Variants in TCL1A observed in about 807,000 individuals in gnomAD.
TCL1A encodes TCL1 family AKT coactivator A, also known as T-cell leukemia/lymphoma protein 1A.
Under a neutral mutation model 16.9 loss-of-function variants are expected in TCL1A, and 9 were observed. That is an observed-to-expected ratio of 0.53 (90% confidence interval 0.32 to 0.93). The LOEUF is 0.93. TCL1A is among the 40% of genes least tolerant of loss of function. The pLI is 0.04. For missense variants in TCL1A, 139 were observed against 153.0 expected (o/e 0.91, Z 0.48); for synonymous variants, 69 against 63.2 (o/e 1.09, Z -0.44).
At chr14:95,711,294 C>CT (rs1178025062) in intron 3 of TCL1A, among the ~76,000 whole-genome samples, 2 of 105,386 alleles carry the variant, frequency 1.9e-5, no homozygotes, top group African/African-American at 4.1e-5. Context: ...CCCGTCTCTA[C>CT]TAAAAAAAAA....
intron 1 of TCL1A, among the ~76,000 whole-genome samples, chr14:95,713,385 T>A (rs549089464): frequency 6.6e-6 from 1 of 152,344 alleles, no homozygotes; most frequent in East Asian, 1.9e-4. Context: ...TAACATGGAT[T>A]AAGGACCCAT....
chr14:95,713,856 G>A (rs566496926), intron 1 of TCL1A, 91 bp downstream of exon 1: 6 of 1,562,350 alleles, frequency 3.8e-6, no homozygotes, highest in East Asian at 2.2e-5. Flanking sequence ...CCCATAGTGA[G>A]TGCTCCTTGA....
intron 1 of TCL1A, among the ~76,000 whole-genome samples, chr14:95,713,636 T>C (rs542927682): frequency 2.6e-5 from 4 of 152,142 alleles, no homozygotes; most frequent in East Asian, 1.9e-4. Flanking sequence ...ATGAGTCACT[T>C]AGAGATACCC....
chr14:95,713,051 G>A (rs2139721862), intron 1 of TCL1A, among the ~76,000 whole-genome samples: 1 of 152,226 alleles, frequency 6.6e-6, no homozygotes, highest in African/African-American at 2.4e-5. Context: ...GATTTTTAAA[G>A]TAAAAACATA....
chr14:95,713,873 G>T, intron 1 of TCL1A, 74 bp downstream of exon 1: 1 of 1,588,192 alleles, frequency 6.3e-7, no homozygotes, highest in Non-Finnish European at 8.5e-7. Flanking sequence ...TTGAGTCCTC[G>T]CCCTTCCTAG....
intron 3 of TCL1A, among the ~76,000 whole-genome samples, chr14:95,711,295 TAAAAAAA>T (rs1163643091): frequency 1.6e-4 from 13 of 79,740 alleles, no homozygotes; most frequent in Non-Finnish European, 2.8e-4. Flanking sequence ...CCGTCTCTAC[TAAAAAAA>T]AAAAAAAAAA....
In TCL1A at chr14:95,710,219, G is replaced by C. The variant is rs752679724; in HGVS notation, c.*669C>G. ...AGGGTTCTGAGGGCTCATCCACAGG[G>C]CTCGCCGGCCTGGCCTCCTGCTGCG... On this transcript the variant is annotated 3_prime_UTR_variant, in exon 4 of 4. Transcript: ENST00000402399. The C allele has an allele frequency of 6.6e-6, 1 of 152,524 alleles. No individual in the cohort carries two copies. Among genetic ancestry groups the C allele is most frequent in the Non-Finnish European group, 1.5e-5 (1 of 68,324 alleles). 9.4% of individuals were successfully genotyped at this position (152,524 alleles called of 1,614,324 possible).
Position 95,714,070 on chromosome 14 carries a change from G to C in TCL1A, c.-4C>G. ...CGAGTGTCGGGCACTCGGCCATGGC[G>C]TCCTCGGGCCGCCTAAGAAGCAAGA... On this transcript the variant is annotated 5_prime_UTR_variant, in exon 1 of 4. Coordinates refer to ENST00000402399, the MANE Select transcript of TCL1A (RefSeq NM_021966.3). The C allele has an allele frequency of 6.2e-7, 1 of 1,613,444 alleles. No individual in the cohort carries two copies. The highest frequency in any genetic ancestry group is 2.2e-5 in the East Asian group (1 of 44,872).
At chr14:95,712,080 T>C in intron 2 of TCL1A, 140 bp downstream of exon 2, 2 of 1,137,758 alleles carry the variant, frequency 1.8e-6, no homozygotes, top group African/African-American at 1.5e-5. Context: ...TAAAGTCCTT[T>C]AGAAATCTGC....
chr14:95,712,472 T>C (rs1886384787), intron 1 of TCL1A, 76 bp from the exon 2 acceptor site: 2 of 1,533,494 alleles, frequency 1.3e-6, no homozygotes, highest in Non-Finnish European at 1.7e-6. Flanking sequence ...AAAACCGGAA[T>C]CCCTCCTGCC....
chr14:95,711,305 A>AG (rs1342085913), intron 3 of TCL1A: 1 of 153,314 alleles, frequency 6.5e-6, no homozygotes, highest in Non-Finnish European at 1.4e-5. Flanking sequence ...TAAAAAAAAA[A>AG]AAAAAAAAAA....
intron 3 of TCL1A, among the ~76,000 whole-genome samples, chr14:95,711,233 G>A (rs1159748373): frequency 6.6e-6 from 1 of 151,206 alleles, no homozygotes; most frequent in Non-Finnish European, 1.5e-5. Context: ...GCCGAGGCGG[G>A]CAGATCATGA....
chr14:95,713,327 T>G (rs1595067234), intron 1 of TCL1A, among the ~76,000 whole-genome samples: 1 of 152,340 alleles, frequency 6.6e-6, no homozygotes, highest in Non-Finnish European at 1.5e-5. Flanking sequence ...TTTCATTGAG[T>G]AAATCCAAAT....
intron 2 of TCL1A, 79 bp from the exon 3 acceptor site, chr14:95,711,881 C>T (rs1886365776): frequency 1.3e-6 from 2 of 1,559,064 alleles, no homozygotes; most frequent in South Asian, 1.2e-5. Flanking sequence ...TGCGCCTTCC[C>T]CTAGCTGGAA....
chr14:95,714,010 C>G lies in TCL1A; in HGVS notation c.57G>C (p.Trp19Cys). ...CCAAATACACGAACTTCTCCCAGGCCCACAGGCGGTCCGGGTGGTCGGTGA... is the reference window on the plus strand; with the variant it reads ...CCAAATACACGAACTTCTCCCAGGCGCACAGGCGGTCCGGGTGGTCGGTGA... Reference protein sequence around the residue: ...EAVTDHPDRLWAWEKFVYLDE... With the variant: ...EAVTDHPDRLCAWEKFVYLDE... Residue 19 changes from tryptophan to cysteine, a missense_variant, in exon 1 of 4, where the codon TGG (tryptophan) becomes TGC (cysteine). Physicochemically the swap from Trp to Cys is radical, Grantham distance 215. Transcript: ENST00000402399. 1 of 1,614,152 alleles carries G rather than the reference C, an allele frequency of 6.2e-7. No individual in the cohort carries two copies. Among genetic ancestry groups the G allele is most frequent in the East Asian group, 2.2e-5 (1 of 44,874 alleles).
rs78796306 is a variant in TCL1A at position 95,711,996 on chromosome 14, C to T, written c.298-194G>A. The T allele has an allele frequency of 3.4e-3, 2,993 of 868,002 alleles. 55 individuals are homozygous for T. In the African/African-American group the frequency reaches 0.046, roughly 13 times the overall value. 53.8% of individuals were successfully genotyped at this position (868,002 alleles called of 1,614,324 possible). On this transcript the variant is annotated intron_variant, in intron 2 of 3. Coordinates refer to ENST00000402399, the MANE Select transcript of TCL1A (RefSeq NM_021966.3). Reference sequence around the variant, plus strand: ...ACTGCCCACCAGAGATGTCTTCCTGCGGCTAGCTGGTGGCTGGGAGGAAGT... The same window carrying T: ...ACTGCCCACCAGAGATGTCTTCCTGTGGCTAGCTGGTGGCTGGGAGGAAGT...
chr14:95,713,721 C>G (rs192014637), intron 1 of TCL1A, among the ~76,000 whole-genome samples: 1 of 152,334 alleles, frequency 6.6e-6, no homozygotes, highest in Admixed American at 6.5e-5. Context: ...TCCACAGGCA[C>G]TGGGTCCACC....
In TCL1A at chr14:95,713,937, C is replaced by T. The variant is rs780310562; in HGVS notation, c.120+10G>A. 2.1e-5 allele frequency: 34 copies of T among 1,613,226 alleles called. No homozygotes were observed. Among genetic ancestry groups the T allele is most frequent in the Non-Finnish European group, 2.6e-5 (31 of 1,179,966 alleles). ...TGCTGCCTCGCCATCCGCTCCAAAGCTGGCTGTACCTCGATGGTTAAGGGC... is the reference window on the plus strand; with the variant it reads ...TGCTGCCTCGCCATCCGCTCCAAAGTTGGCTGTACCTCGATGGTTAAGGGC... On this transcript the variant is annotated intron_variant, in intron 1 of 3. Coordinates refer to ENST00000402399, the MANE Select transcript of TCL1A (RefSeq NM_021966.3).
rs779175388 is a variant in TCL1A at position 95,713,995 on chromosome 14, G to A, written c.72C>T (p.Phe24=). 1.2e-6 allele frequency: 2 copies of A among 1,614,074 alleles called. No individual in the cohort carries two copies. The highest frequency in any genetic ancestry group is 1.1e-5 in the South Asian group (1 of 91,070). ...CGTGCTGCTTCTCGTCCAAATACACGAACTTCTCCCAGGCCCACAGGCGGT... is the reference window on the plus strand; with the variant it reads ...CGTGCTGCTTCTCGTCCAAATACACAAACTTCTCCCAGGCCCACAGGCGGT... ...HPDRLWAWEK[F]VYLDEKQHAW... Residue 24 remains phenylalanine, a synonymous_variant, in exon 1 of 4, where the codon TTC becomes TTT. Coordinates refer to ENST00000402399, the MANE Select transcript of TCL1A (RefSeq NM_021966.3).
Sources: gnomAD v4.1 joint callset for allele counts (sites outside exome capture counted in the v4.1 genomes callset) on GRCh38, gnomAD v4.1.1 for gene constraint, MANE v1.5 for transcripts, NCBI Gene and HGNC (gene_info 2026-07-23, HGNC 2026-07-21) for gene names.